The following KCNC4 variants were observed in gnomAD, a reference collection of about 807,000 sequenced individuals.
The protein encoded by KCNC4 is voltage-gated potassium channel KCNC4.
Under a neutral mutation model 42.8 loss-of-function variants are expected in KCNC4, and 23 were observed. The ratio of observed to expected loss-of-function variants is 0.54; its 90% confidence interval spans 0.39 to 0.76. The LOEUF (loss-of-function observed/expected upper bound fraction) is 0.76. Ranked by LOEUF, KCNC4 falls within the 30% of genes least tolerant of loss-of-function variation. KCNC4 has a pLI of 0.00. For missense variants in KCNC4, 751 were observed against 898.2 expected, an observed-to-expected ratio of 0.84 and a Z score of 2.10; for synonymous variants, 422 against 393.5, an observed-to-expected ratio of 1.07 and a Z score of -0.86.
At chr1:110,213,810 G>A (rs1657634625) in intron 1 of KCNC4, among the ~76,000 whole-genome samples, 1 of 152,192 alleles carries the variant, frequency 6.6e-6, no homozygotes, top group Non-Finnish European at 1.5e-5. Flanking sequence ...TCTGCATTAG[G>A]GGAGAGAGGG....
At chr1:110,277,164 C>T (rs889661555) in intron 1 of KCNC4, among the ~76,000 whole-genome samples, 1 of 152,158 alleles carries the variant, frequency 6.6e-6, no homozygotes, top group African/African-American at 2.4e-5. Context: ...TAAGTGAAGT[C>T]AAGAAAGAAC....
At position 110,211,328 on chromosome 1, in the gene KCNC4, C is replaced by G; in HGVS notation, c.-172C>G. On this transcript the variant is annotated 5_prime_UTR_variant, in exon 1 of 4. Coordinates refer to ENST00000438661, the MANE Select transcript of KCNC4 (RefSeq NM_001039574.3). This position sits in a 1 kb window ranked among gnomAD's most constrained non-coding sequence, Gnocchi z 6.5. ...GTGTACCGGAGAAATCCAACTCCTC[C>G]CGCTCCGCGTCCTAGGGGGATAGGC... 2 of 979,898 alleles carry G rather than the reference C, an allele frequency of 2.0e-6. No homozygotes were observed. The highest frequency in any genetic ancestry group is 2.9e-6 in the Non-Finnish European group (2 of 682,328). The allele number at this position is 979,898 out of a possible 1,614,324, so 60.7% of individuals were successfully genotyped here. A position where few individuals can be genotyped will look rare whatever the true frequency, so the allele number is the denominator to read the frequency against.
chr1:110,279,431 A>C (rs1230111664), intron 1 of KCNC4, among the ~76,000 whole-genome samples: 2 of 152,192 alleles, frequency 1.3e-5, no homozygotes, highest in African/African-American at 4.8e-5. Flanking sequence ...TCCAGTATAC[A>C]CAGGAGAGAC....
intron 1 of KCNC4, chr1:110,219,932 G>C (rs150885332): frequency 6.6e-6 from 1 of 152,284 alleles, no homozygotes; most frequent in Non-Finnish European, 1.5e-5. Flanking sequence ...AGCTCAGGCC[G>C]CATCTCTGTC....
chr1:110,276,271 A>T (rs1231007483), intron 1 of KCNC4, among the ~76,000 whole-genome samples: 1 of 149,438 alleles, frequency 6.7e-6, no homozygotes, highest in Non-Finnish European at 1.5e-5. Flanking sequence ...ATGTAAAAAA[A>T]GCTGCACTTA....
intron 1 of KCNC4, among the ~76,000 whole-genome samples, chr1:110,276,723 G>A (rs1659732933): frequency 6.6e-6 from 1 of 152,184 alleles, no homozygotes; most frequent in Non-Finnish European, 1.5e-5. Context: ...CTAAATGCAA[G>A]AGCATCATCT....
At chr1:110,227,079 C>G (rs1004678750) in intron 3 of KCNC4, among the ~76,000 whole-genome samples, 1 of 152,212 alleles carries the variant, frequency 6.6e-6, no homozygotes, top group African/African-American at 2.4e-5. Context: ...TGTTCTACCT[C>G]TTTCTAGAAT....
At chr1:110,263,808 A>G (rs1170206833) in intron 1 of KCNC4, among the ~76,000 whole-genome samples, 1 of 140,282 alleles carries the variant, frequency 7.1e-6, no homozygotes, top group South Asian at 2.4e-4. Context: ...AACAATCTCT[A>G]GCAAGCTTTC....
chr1:110,218,314 CA>C (rs1657911360), intron 1 of KCNC4, among the ~76,000 whole-genome samples: 1 of 152,140 alleles, frequency 6.6e-6, no homozygotes, highest in Non-Finnish European at 1.5e-5. Context: ...ACATAGCAAG[CA>C]GATTGTAGCC....
At chr1:110,212,638 A>G (rs1338544100) in intron 1 of KCNC4, among the ~76,000 whole-genome samples, 1 of 152,132 alleles carries the variant, frequency 6.6e-6, no homozygotes, top group Non-Finnish European at 1.5e-5. Flanking sequence ...ATGCCGTGCC[A>G]CCTCATTTAC....
downstream of KCNC4, chr1:110,249,267 T>C (rs1156296101): frequency 6.6e-6 from 1 of 152,242 alleles, no homozygotes; most frequent in Non-Finnish European, 1.5e-5. Flanking sequence ...AAAAATTCTT[T>C]CGGTCCTGCA....
chr1:110,278,028 T>C (rs1463551067), intron 1 of KCNC4, among the ~76,000 whole-genome samples: 1 of 152,100 alleles, frequency 6.6e-6, no homozygotes, highest in Non-Finnish European at 1.5e-5. Flanking sequence ...ATGCCTATAG[T>C]CCCAGTTATT....
intron 1 of KCNC4, among the ~76,000 whole-genome samples, chr1:110,255,825 A>G (rs1659320117): frequency 6.6e-6 from 1 of 152,184 alleles, no homozygotes; most frequent in African/African-American, 2.4e-5. Context: ...GATGGAGGAC[A>G]CTGTCTCTGG....
intron 1 of KCNC4, among the ~76,000 whole-genome samples, chr1:110,217,716 C>T (rs770183816): frequency 6.6e-6 from 1 of 152,116 alleles, no homozygotes; most frequent in Non-Finnish European, 1.5e-5. Context: ...GGTCCTGGCT[C>T]AGCATGGGGT....
At chr1:110,216,709 A>T (rs1007937056) in intron 1 of KCNC4, among the ~76,000 whole-genome samples, 3 of 152,114 alleles carry the variant, frequency 2.0e-5, no homozygotes, top group Admixed American at 2.0e-4. Flanking sequence ...TCAGCCTGGG[A>T]TGCTGGGCAC....
intron 1 of KCNC4, among the ~76,000 whole-genome samples, chr1:110,219,351 C>T (rs904569119): frequency 3.9e-5 from 6 of 152,116 alleles, no homozygotes; most frequent in East Asian, 3.9e-4. Flanking sequence ...TTAATCCTAC[C>T]GTAACACTGT....
rs142693388 is a variant in KCNC4, at chr1:110,278,394, A to T, written n.31-4140A>T. Among the ~76,000 whole-genome samples the T allele has an allele frequency of 3.4e-4, 52 of 152,230 alleles. No individual in the cohort carries two copies. The East Asian group carries it at 9.9e-3, about 29-fold the overall frequency. On this transcript the variant is annotated intron_variant and non_coding_transcript_variant, in intron 1 of 2. Transcript: ENST00000412512. ...GGAGATGGAGGTGTTTTGGGTTGTA[A>T]CAATGAGAGGGAGTATGCAGTGCTA... is the stretch of plus-strand genomic sequence containing the variant.
rs780370480 is a variant in KCNC4 at position 110,211,466 on chromosome 1, G to A, written c.-34G>A. 1.3e-6 allele frequency: 2 copies of A among 1,583,456 alleles called. No homozygotes were observed. The highest frequency in any genetic ancestry group is 4.6e-5 in the East Asian group (2 of 43,704). On this transcript the variant is annotated 5_prime_UTR_variant, in exon 1 of 4. Coordinates refer to ENST00000438661, the MANE Select transcript of KCNC4 (RefSeq NM_001039574.3). The surrounding 1 kb of genome is among the most constrained non-coding windows in gnomAD (Gnocchi z 6.5). ...TCGGGAAGGGTGTTTGGAGGGCAGC[G>A]GCCGCCCCAAGCCGGAGCCCCGCAG...
intron 1 of KCNC4, among the ~76,000 whole-genome samples, chr1:110,275,984 T>C (rs1235547875): frequency 7.0e-6 from 1 of 142,158 alleles, no homozygotes; most frequent in South Asian, 2.2e-4. Context: ...AAGAATGAAA[T>C]CATGTATTTT....
Sources: allele counts gnomAD v4.1 joint callset (sites outside exome capture counted in the v4.1 genomes callset), GRCh38; gene constraint gnomAD v4.1.1; non-coding constraint Gnocchi (gnomAD v3.1); transcripts MANE v1.5; gene names NCBI Gene and HGNC (gene_info 2026-07-23, HGNC 2026-07-21).